Variants in ERBIN observed in about 807,000 individuals in gnomAD.
ERBIN encodes the protein densin-180-like protein.
A neutral mutation model predicts 158.4 loss-of-function variants in ERBIN; 60 were observed. The ratio of observed to expected loss-of-function variants is 0.38; its 90% CI spans 0.31 to 0.47. The LOEUF (loss-of-function observed/expected upper bound fraction) is 0.47. Ranked by LOEUF, ERBIN falls within the 20% of genes least tolerant of loss-of-function variation. The pLI, the probability that ERBIN is intolerant of heterozygous loss-of-function variation, is 0.99. For missense variants in ERBIN, 1,610 were observed against 1,648.0 expected, an observed-to-expected ratio of 0.98 and a Z score of 0.40; for synonymous variants, 594 against 557.2, an observed-to-expected ratio of 1.07 and a Z score of -0.93.
rs769111808 is a variant in ERBIN at position 66,044,270 on chromosome 5, A to C, written c.1562A>C (p.His521Pro). Reference sequence around the variant, plus strand: ...GACTCAGGAAGAGATTTGAAACCACATGAAGATCAACAAGATATAAATAAA... The same window carrying C: ...GACTCAGGAAGAGATTTGAAACCACCTGAAGATCAACAAGATATAAATAAA... ...NEDSGRDLKP[H>P]EDQQDINKDV... Residue 521 changes from histidine (H) to proline (P), a missense_variant, in exon 17 of 26, where the codon CAT becomes CCT. His to Pro is a moderately conservative substitution (Grantham distance 77). Transcript: ENST00000284037. 1 of 1,608,294 alleles carries C rather than the reference A, an allele frequency of 6.2e-7. No individual in the cohort carries two copies. The highest frequency in any genetic ancestry group is 1.3e-5 in the African/African-American group (1 of 74,594).
chr5:66,067,945 C>T (rs1225180300), intron 21 of ERBIN, among the ~76,000 whole-genome samples: 1 of 152,052 alleles, frequency 6.6e-6, no homozygotes, highest in Non-Finnish European at 1.5e-5. Context: ...ACCCATGTCT[C>T]TTTAAAAAAT....
Position 66,021,373 on chromosome 5 carries a change from A to G in ERBIN, c.585A>G (p.Glu195=). 6.2e-7 allele frequency: 1 copy of G among 1,601,996 alleles called. No homozygotes were observed. The highest frequency in any genetic ancestry group is 8.5e-7 in the Non-Finnish European group (1 of 1,171,644). The part of the protein sequence containing the change: ...QLERLDLGSN[E]FTEVPEVLEQ... ...AAAGACTGGATTTGGGAAGTAACGA[A>G]TTCACGGAAGTGGTAAGTTCTCATC... Residue 195 remains glutamate (E), a synonymous_variant, in exon 8 of 26, where the codon GAA becomes GAG. Coordinates refer to ENST00000284037, the MANE Select transcript of ERBIN (RefSeq NM_001253697.2).
intron 21 of ERBIN, among the ~76,000 whole-genome samples, chr5:66,067,546 A>G (rs1328939429): frequency 1.3e-5 from 2 of 152,330 alleles, no homozygotes; most frequent in African/African-American, 2.4e-5. Context: ...TTATTGAGGT[A>G]CATCTTCAGG....
chr5:66,018,601 T>A (rs1466652146), intron 7 of ERBIN, among the ~76,000 whole-genome samples: 1 of 89,010 alleles, frequency 1.1e-5, no homozygotes, highest in African/African-American at 3.7e-5. Flanking sequence ...TAATATATAT[T>A]ATATATACAT....
Position 65,992,794 on chromosome 5 carries a change from ACTC to A in ERBIN, c.77_79del (p.Thr26_Leu27delinsIle), listed in dbSNP as rs1237224729. On this transcript the variant is annotated inframe_deletion, in exon 3 of 26. Coordinates refer to ENST00000284037, the MANE Select transcript of ERBIN (RefSeq NM_001253697.2). ...ACGAGGGGAAGAGGAGACTGTCACT[ACTC>A]TTGATTATTCTCATTGCAGCTTAGA... 1 of 1,613,128 alleles carries A rather than the reference ACTC, an allele frequency of 6.2e-7. No homozygotes were observed. The highest frequency in any genetic ancestry group is 8.5e-7 in the Non-Finnish European group (1 of 1,179,268).
At chr5:65,945,499 T>C (rs1745631593) in intron 1 of ERBIN, among the ~76,000 whole-genome samples, 1 of 152,246 alleles carries the variant, frequency 6.6e-6, no homozygotes, top group Non-Finnish European at 1.5e-5. Context: ...AGCTCCTTTA[T>C]GGTGCTGGTA....
At chr5:66,072,046 AT>A (rs2151299097) in intron 21 of ERBIN, 122 bp from the exon 22 acceptor site, 5 of 908,820 alleles carry the variant, frequency 5.5e-6, no homozygotes, top group Admixed American at 5.5e-5. Flanking sequence ...GCAGTGTTTG[AT>A]TTGGGTCTTC....
intron 4 of ERBIN, among the ~76,000 whole-genome samples, chr5:65,998,854 C>T (rs979434041): frequency 6.9e-6 from 1 of 145,410 alleles, no homozygotes; most frequent in African/African-American, 2.6e-5. Context: ...GTGATCATGC[C>T]ATGGCACTCC....
intron 1 of ERBIN, among the ~76,000 whole-genome samples, chr5:65,981,378 A>G (rs1411017337): frequency 6.6e-6 from 1 of 152,218 alleles, no homozygotes; most frequent in Non-Finnish European, 1.5e-5. Context: ...GAAATTCAGA[A>G]TAAGTGAAAG....
At chr5:66,023,457 A>G in intron 9 of ERBIN, 93 bp downstream of exon 9, 1 of 676,652 alleles carries the variant, frequency 1.5e-6, no homozygotes, top group Non-Finnish European at 2.4e-6. Context: ...TTTAATTAAT[A>G]AAAAAATTGA....
chr5:65,982,135 C>T (rs1419067393), intron 1 of ERBIN, among the ~76,000 whole-genome samples: 1 of 152,192 alleles, frequency 6.6e-6, no homozygotes, highest in Non-Finnish European at 1.5e-5. Flanking sequence ...GTGACTAGAG[C>T]AATGTCTTGT....
intron 21 of ERBIN, among the ~76,000 whole-genome samples, chr5:66,063,509 C>G (rs1034381839): frequency 6.6e-6 from 1 of 152,170 alleles, no homozygotes; most frequent in African/African-American, 2.4e-5. Flanking sequence ...ATGCCTCACC[C>G]TGCTTCGGCT....
chr5:65,935,840 T>C (rs1028495361), intron 1 of ERBIN, among the ~76,000 whole-genome samples: 8 of 152,172 alleles, frequency 5.3e-5, no homozygotes, highest in African/African-American at 9.7e-5. Flanking sequence ...TCCTTTCACC[T>C]CAGCATCCTG....
At chr5:65,968,706 G>A (rs536989992) in intron 1 of ERBIN, among the ~76,000 whole-genome samples, 9 of 152,130 alleles carry the variant, frequency 5.9e-5, no homozygotes, top group Non-Finnish European at 1.5e-5. Flanking sequence ...GACTACAAGC[G>A]CCTGCCACTA....
intron 1 of ERBIN, among the ~76,000 whole-genome samples, chr5:65,931,252 A>G (rs1053227931): frequency 6.6e-6 from 1 of 152,232 alleles, no homozygotes; most frequent in African/African-American, 2.4e-5. Flanking sequence ...GTACATAATG[A>G]GCTGTTTTTG....
At chr5:66,021,155 A>G (rs1755639133) in intron 7 of ERBIN, among the ~76,000 whole-genome samples, 167 bp from the exon 8 acceptor site, 2 of 127,226 alleles carry the variant, frequency 1.6e-5, no homozygotes, top group Non-Finnish European at 3.5e-5. Flanking sequence ...TATTTTATCT[A>G]GAAATCTGAC....
chr5:65,943,835 A>G (rs1378173200), intron 1 of ERBIN, among the ~76,000 whole-genome samples: 1 of 152,108 alleles, frequency 6.6e-6, no homozygotes, highest in East Asian at 1.9e-4. Flanking sequence ...TTAACTCTAT[A>G]CCCATTAAAC....
At chr5:65,987,926 A>T (rs1751444701) in intron 1 of ERBIN, among the ~76,000 whole-genome samples, 1 of 152,180 alleles carries the variant, frequency 6.6e-6, no homozygotes, top group Non-Finnish European at 1.5e-5. Flanking sequence ...ATGAAAAATT[A>T]CTAAAATATA....
intron 1 of ERBIN, among the ~76,000 whole-genome samples, chr5:65,930,565 C>T (rs1743240646): frequency 6.6e-6 from 1 of 152,230 alleles, no homozygotes. Flanking sequence ...ACCTCGGCCT[C>T]TCAAAGTGCT....
Sources: gnomAD v4.1 joint callset for allele counts (sites outside exome capture counted in the v4.1 genomes callset) on GRCh38, gnomAD v4.1.1 for gene constraint, MANE v1.5 for transcripts, NCBI Gene and HGNC (gene_info 2026-07-23, HGNC 2026-07-21) for gene names.